DOCK7: variants seen among roughly 807,000 people sequenced by gnomAD.
The protein encoded by DOCK7 is dedicator of cytokinesis 7.
A neutral mutation model predicts 271.0 loss-of-function variants in DOCK7; 138 were observed. The ratio of observed to expected loss-of-function variants is 0.51; its 90% confidence interval spans 0.44 to 0.59. The LOEUF (loss-of-function observed/expected upper bound fraction) is 0.59. Ranked by LOEUF, DOCK7 falls within the 20% of genes least tolerant of loss-of-function variation. DOCK7 has a pLI of 0.00. For synonymous variants in DOCK7, 823 were observed against 876.1 expected (o/e 0.94, Z 1.07); for missense variants, 2,066 against 2,592.4 (o/e 0.80, Z 4.41).
In DOCK7 at chr1:62,607,987, C is replaced by G. The variant is rs906908967; in HGVS notation, c.1682+10719G>C. 6 of 152,300 alleles carry G rather than the reference C, an allele frequency of 3.9e-5. No homozygotes were observed. In the South Asian group the frequency reaches 1.2e-3, roughly 32 times the overall value. The allele number at this position is 152,300 out of a possible 1,614,324, so 9.4% of individuals were successfully genotyped here. On this transcript the variant is annotated intron_variant, in intron 14 of 49. Coordinates refer to ENST00000635253, the MANE Select transcript of DOCK7 (RefSeq NM_001367561.1). The stretch of plus-strand genomic sequence containing the variant: ...ATCCCAACTACTTGGGAGGCTGAGG[C>G]AGGAGAATCGCTGGAGCCTGGGAAG...
At chr1:62,492,325 G>C (rs1038730427) in intron 41 of DOCK7, 2 of 163,466 alleles carry the variant, frequency 1.2e-5, no homozygotes, top group African/African-American at 4.8e-5. Flanking sequence ...GTTTTACTCT[G>C]TTGTCCAGGC....
intron 9 of DOCK7, chr1:62,634,548 GAT>G: frequency 1.4e-5 from 5 of 348,500 alleles, no homozygotes; most frequent in Non-Finnish European, 1.5e-5. Flanking sequence ...ACAGATCTAA[GAT>G]ATATATATAA....
intron 1 of DOCK7, among the ~76,000 whole-genome samples, chr1:62,666,541 T>G (rs1215986111): frequency 6.6e-6 from 1 of 152,226 alleles, no homozygotes; most frequent in Non-Finnish European, 1.5e-5. Flanking sequence ...CATTTACAAC[T>G]GGGACCTTCT....
At chr1:62,645,173 T>C (rs960030924) in intron 7 of DOCK7, among the ~76,000 whole-genome samples, 2 of 152,186 alleles carry the variant, frequency 1.3e-5, no homozygotes, top group African/African-American at 4.8e-5. Flanking sequence ...ATGGAGTTAC[T>C]ATACTAACCA....
intron 47 of DOCK7, 65 bp downstream of exon 47, chr1:62,475,143 G>A (rs1048493856): frequency 2.0e-6 from 3 of 1,500,170 alleles, no homozygotes; most frequent in Non-Finnish European, 1.8e-6. Flanking sequence ...AATTATTTCT[G>A]ATCTGAAATT....
intron 43 of DOCK7, chr1:62,483,027 A>C (rs757824859): frequency 6.6e-6 from 1 of 151,994 alleles, no homozygotes; most frequent in Non-Finnish European, 1.5e-5. Flanking sequence ...TTTCTTTTTA[A>C]AAGACAGGGT....
chr1:62,647,815 T>C, intron 6 of DOCK7, 39 bp from the exon 7 acceptor site: 1 of 1,372,112 alleles, frequency 7.3e-7, no homozygotes, highest in Non-Finnish European at 1.0e-6. Flanking sequence ...AATATGCTTA[T>C]CATATTCCAA....
rs386367151 is a variant in DOCK7 at position 62,639,426 on chromosome 1, C to CTTTTTTTTTTTTTTT, written c.819-2838_819-2824dup. ...AACTTAGTGCAAACTTTGTAATACTCTTTTTTTTTTTTTTTTTTTTTTTTT... is the reference window on the plus strand; with the variant it reads ...AACTTAGTGCAAACTTTGTAATACTCTTTTTTTTTTTTTTTTTTTTTTTTTTTTTTTTTTTTTTTT... On this transcript the variant is annotated intron_variant, in intron 7 of 49. Transcript: ENST00000635253. 2.2e-4 allele frequency among the ~76,000 whole-genome samples: 17 copies of CTTTTTTTTTTTTTTT among 75,880 alleles called. 2 individuals are homozygous for CTTTTTTTTTTTTTTT. Among genetic ancestry groups the CTTTTTTTTTTTTTTT allele is most frequent in the African/African-American group, 8.8e-4 (15 of 16,992 alleles). 49.8% of individuals were successfully genotyped at this position (75,880 alleles called of 152,430 possible).
Position 62,455,421 on chromosome 1 carries a change from T to G in DOCK7, c.6416A>C (p.Asp2139Ala). The G allele has an allele frequency of 6.2e-7, 1 of 1,613,668 alleles. No individual in the cohort carries two copies. Among genetic ancestry groups the G allele is most frequent in the Non-Finnish European group, 8.5e-7 (1 of 1,179,810 alleles). Reference sequence around the variant, plus strand: ...AAAACAAGTGCATTCAGTTTAGAGATCCATTTTGCGAAGGCTCATTCGACT... The same window carrying G: ...AAAACAAGTGCATTCAGTTTAGAGAGCCATTTTGCGAAGGCTCATTCGACT... ...SFSRMSLRKM[D>A]L Residue 2139 changes from aspartate (D) to alanine (A), a missense_variant, in exon 50 of 50, where the codon GAT (aspartate) becomes GCT (alanine). By Grantham distance (126) the Asp-to-Ala change is moderately radical. Around this residue, in one of 2 missense-constraint regions of DOCK7, gnomAD observed 652 missense variants for 922.1 expected, o/e 0.71. Transcript: ENST00000635253.
intron 12 of DOCK7, among the ~76,000 whole-genome samples, chr1:62,620,883 CAAAAAAAAAA>C (rs767181280): frequency 6.4e-5 from 2 of 31,148 alleles, no homozygotes; most frequent in African/African-American, 9.4e-5. Flanking sequence ...GACTCCGTCT[CAAAAAAAAAA>C]AAAAAAAAAA....
At chr1:62,628,765 G>C (rs1018135134) in intron 11 of DOCK7, 2 of 152,116 alleles carry the variant, frequency 1.3e-5, no homozygotes, top group Admixed American at 6.5e-5. Context: ...CACAGACTAG[G>C]AGAAAATTTG....
chr1:62,513,640 G>C (rs1414588451), intron 32 of DOCK7, 34 bp from the exon 33 acceptor site: 5 of 1,603,200 alleles, frequency 3.1e-6, no homozygotes, highest in Non-Finnish European at 4.3e-6. Flanking sequence ...AAGAGGTATT[G>C]AGGAAATTTT....
intron 47 of DOCK7, 103 bp downstream of exon 47, chr1:62,475,105 A>G (rs749349751): frequency 2.4e-5 from 32 of 1,312,324 alleles, no homozygotes; most frequent in Non-Finnish European, 3.0e-5. Context: ...GGCAGTAGAG[A>G]AGGCAGATCC....
At chr1:62,463,140 A>G (rs1293116934) in intron 48 of DOCK7, among the ~76,000 whole-genome samples, 1 of 152,154 alleles carries the variant, frequency 6.6e-6, no homozygotes, top group Non-Finnish European at 1.5e-5. Flanking sequence ...CAATAGGAAA[A>G]TGATAAAAGA....
chr1:62,610,052 T>C (rs1276459915), intron 14 of DOCK7, among the ~76,000 whole-genome samples: 2 of 152,210 alleles, frequency 1.3e-5, no homozygotes, highest in African/African-American at 4.8e-5. Flanking sequence ...AGTTTCATCA[T>C]GTTGGTCAGG....
intron 2 of DOCK7, among the ~76,000 whole-genome samples, chr1:62,662,504 T>G (rs1300463295): frequency 1.3e-5 from 2 of 152,188 alleles, no homozygotes; most frequent in Admixed American, 6.5e-5. Context: ...GGCTCACACC[T>G]GTAATCCCAG....
intron 48 of DOCK7, among the ~76,000 whole-genome samples, chr1:62,472,969 G>T (rs1168006): frequency 0.97 from 147,980 of 152,286 alleles, 72,048 homozygotes; most frequent in Middle Eastern, 1. Flanking sequence ...CAGAGGACCC[G>T]TTGAAGCTTG....
In DOCK7 at chr1:62,586,597, A is replaced by G. The variant is rs750270060; in HGVS notation, c.1710T>C (p.Ser570=). 1.2e-6 allele frequency: 2 copies of G among 1,611,562 alleles called. No homozygotes were observed. The highest frequency in any genetic ancestry group is 3.3e-5 in the Admixed American group (2 of 59,884). Residue 570 remains serine, a synonymous_variant, in exon 15 of 50, where the codon AGT becomes AGC. Coordinates refer to ENST00000635253, the MANE Select transcript of DOCK7 (RefSeq NM_001367561.1). The part of the protein sequence containing the change: ...YRNLLYIYPQ[S]LNFANRQGSA... ...AACCTTGACGATTGGCAAAATTAAGACTCTGAGGGTATATGTAGAGAAGAT... is the reference window on the plus strand; with the variant it reads ...AACCTTGACGATTGGCAAAATTAAGGCTCTGAGGGTATATGTAGAGAAGAT...
intron 28 of DOCK7, 103 bp from the exon 29 acceptor site, chr1:62,535,735 A>G: frequency 8.6e-7 from 1 of 1,162,940 alleles, no homozygotes; most frequent in Non-Finnish European, 1.2e-6. Context: ...AGGGTAGTTT[A>G]TTTTATATTA....
Sources: allele counts gnomAD v4.1 joint callset (sites outside exome capture counted in the v4.1 genomes callset), GRCh38; gene constraint gnomAD v4.1.1; regional missense constraint gnomAD v4.1.1; transcripts MANE v1.5; gene names NCBI Gene and HGNC (gene_info 2026-07-23, HGNC 2026-07-21).